Variants in CYBRD1 observed in about 807,000 individuals in gnomAD.
The protein encoded by CYBRD1 is plasma membrane ascorbate-dependent reductase CYBRD1.
A neutral mutation model predicts 21.9 loss-of-function variants in CYBRD1; 14 were observed. The ratio of observed to expected loss-of-function variants is 0.64; its 90% CI spans 0.42 to 1.00. CYBRD1 has a LOEUF of 1.00. Ranked by LOEUF, CYBRD1 falls within the 50% of genes least tolerant of loss-of-function variation. The probability of loss-of-function intolerance (pLI) is 0.00; values close to 1 mark genes in which losing one functional copy is unlikely to be tolerated. For synonymous variants in CYBRD1, 146 were observed against 136.5 expected, an observed-to-expected ratio of 1.07 and a Z score of -0.48; for missense variants, 328 against 352.5, an observed-to-expected ratio of 0.93 and a Z score of 0.56.
chr2:171,541,861 C>CCTT, intron 2 of CYBRD1, 68 bp downstream of exon 2: 1 of 739,768 alleles, frequency 1.4e-6, no homozygotes, highest in South Asian at 2.0e-5. Flanking sequence ...GTTTTCTTTT[C>CCTT]TTTTTTTTTT....
chr2:171,523,707 T>G (rs1186836367), intron 1 of CYBRD1, among the ~76,000 whole-genome samples: 1 of 131,262 alleles, frequency 7.6e-6, no homozygotes, highest in Non-Finnish European at 1.6e-5. Context: ...TCGCTGGCAA[T>G]GTTTGTTGTC....
At chr2:171,529,257 G>A (rs760155587) in intron 1 of CYBRD1, among the ~76,000 whole-genome samples, 2 of 151,980 alleles carry the variant, frequency 1.3e-5, no homozygotes, top group Non-Finnish European at 2.9e-5. Context: ...TGCTGCCAGG[G>A]GCGGTGGCTC....
At chr2:171,529,207 T>C (rs943943786) in intron 1 of CYBRD1, among the ~76,000 whole-genome samples, 2 of 152,066 alleles carry the variant, frequency 1.3e-5, no homozygotes. Flanking sequence ...CCCACCAGGG[T>C]GTCTTTCTGG....
At chr2:171,550,005 G>A (rs373725194) in intron 2 of CYBRD1, among the ~76,000 whole-genome samples, 18 of 152,304 alleles carry the variant, frequency 1.2e-4, no homozygotes, top group African/African-American at 3.8e-4. Context: ...CGTAAGAATC[G>A]TCTGGGCAGT....
chr2:171,553,154 C>A (rs771825973), intron 2 of CYBRD1, among the ~76,000 whole-genome samples, 192 bp from the exon 3 acceptor site: 1 of 152,100 alleles, frequency 6.6e-6, no homozygotes, highest in Non-Finnish European at 1.5e-5. Flanking sequence ...AATAAATTTT[C>A]TGGAATGATC....
At position 171,556,541 on chromosome 2, in the gene CYBRD1, AT is replaced by A. The variant is rs1240801746; in HGVS notation, c.*1718del. The stretch of plus-strand genomic sequence containing the variant: ...AAACTCTACACCAAATACACTAAAC[AT>A]TTTGGTGCTTAGTGGATTTCTTTTT... On this transcript the variant is annotated 3_prime_UTR_variant, in exon 4 of 4. Transcript: ENST00000321348. 6.6e-6 allele frequency: 1 copy of A among 152,162 alleles called. No homozygotes were observed. The highest frequency in any genetic ancestry group is 1.5e-5 in the Non-Finnish European group (1 of 68,026). The allele number at this position is 152,162 out of a possible 1,614,324, so 9.4% of individuals were successfully genotyped here. A position where few individuals can be genotyped will look rare whatever the true frequency, so the allele number is the denominator to read the frequency against.
intron 2 of CYBRD1, among the ~76,000 whole-genome samples, chr2:171,545,386 T>TC (rs1334426348): frequency 6.7e-6 from 1 of 148,652 alleles, no homozygotes; most frequent in Non-Finnish European, 1.5e-5. Context: ...CCTTTTTTGT[T>TC]TTTTTTTTTT....
At chr2:171,523,510 C>G (rs1697341876) in intron 1 of CYBRD1, among the ~76,000 whole-genome samples, 4 of 152,216 alleles carry the variant, frequency 2.6e-5, no homozygotes, top group Admixed American at 2.6e-4. Context: ...GCGGGGCTTC[C>G]TATTGGGCAC....
chr2:171,550,046 T>C (rs1476259428), intron 2 of CYBRD1, among the ~76,000 whole-genome samples: 1 of 152,210 alleles, frequency 6.6e-6, no homozygotes, highest in Non-Finnish European at 1.5e-5. Flanking sequence ...TGGGCCCTAA[T>C]CCAGAAATTG....
intron 2 of CYBRD1, among the ~76,000 whole-genome samples, chr2:171,551,683 C>G (rs1177175064): frequency 6.6e-6 from 1 of 152,098 alleles, no homozygotes; most frequent in Non-Finnish European, 1.5e-5. Flanking sequence ...GTTTTTTTAG[C>G]CTTCTCCAAA....
Position 171,522,975 on chromosome 2 carries a change from C to T in CYBRD1, c.193+237C>T. On this transcript the variant is annotated intron_variant, in intron 1 of 3. Transcript: ENST00000321348. The surrounding 1 kb of genome is among the most constrained non-coding windows in gnomAD (Gnocchi z 4.3). Reference sequence around the variant, plus strand: ...CGCCGCGAGCGCGGGGCCGGGGGTGCGCGGTGGAGACGCGCTGCTGGGGGC... The same window carrying T: ...CGCCGCGAGCGCGGGGCCGGGGGTGTGCGGTGGAGACGCGCTGCTGGGGGC... 2 of 562,008 alleles carry T rather than the reference C, an allele frequency of 3.6e-6. No individual in the cohort carries two copies. The highest frequency in any genetic ancestry group is 2.3e-5 in the South Asian group (1 of 43,562). The allele number at this position is 562,008 out of a possible 1,614,324, so 34.8% of individuals were successfully genotyped here. A position where few individuals can be genotyped will look rare whatever the true frequency, so the allele number is the denominator to read the frequency against.
intron 1 of CYBRD1, among the ~76,000 whole-genome samples, chr2:171,527,361 A>G (rs796993678): frequency 1.1e-4 from 17 of 152,366 alleles, no homozygotes; most frequent in African/African-American, 4.1e-4. Flanking sequence ...CTAGAATAAC[A>G]CTGAGAACTG....
intron 1 of CYBRD1, among the ~76,000 whole-genome samples, chr2:171,539,660 G>A (rs1321939682): frequency 1.3e-5 from 2 of 152,034 alleles, no homozygotes; most frequent in Admixed American, 1.3e-4. Context: ...TGTTGGTTAA[G>A]GTGGCCATAT....
intron 1 of CYBRD1, among the ~76,000 whole-genome samples, chr2:171,527,541 A>T (rs1189731564): frequency 1.3e-5 from 2 of 152,210 alleles, no homozygotes; most frequent in Non-Finnish European, 2.9e-5. Flanking sequence ...CTGTTCAGCC[A>T]GTTTAAAAGC....
At chr2:171,554,210 A>G (rs548584758) in intron 3 of CYBRD1, among the ~76,000 whole-genome samples, 14 of 152,274 alleles carry the variant, frequency 9.2e-5, no homozygotes, top group African/African-American at 3.4e-4. Flanking sequence ...AGATGTGGAA[A>G]GTTGGGGTTT....
intron 1 of CYBRD1, among the ~76,000 whole-genome samples, chr2:171,535,927 G>A (rs773231463): frequency 1.6e-4 from 25 of 151,826 alleles, no homozygotes; most frequent in African/African-American, 4.6e-4. Context: ...AGCATGAGCC[G>A]CTGTGCCTGG....
chr2:171,550,467 T>C (rs1697782484), intron 2 of CYBRD1, among the ~76,000 whole-genome samples: 1 of 152,066 alleles, frequency 6.6e-6, no homozygotes, highest in Non-Finnish European at 1.5e-5. Context: ...TAATTTTCGG[T>C]CCACTAGGTT....
chr2:171,534,713 T>G (rs1353245214), intron 1 of CYBRD1, among the ~76,000 whole-genome samples: 1 of 152,178 alleles, frequency 6.6e-6, no homozygotes, highest in Non-Finnish European at 1.5e-5. Flanking sequence ...GCGAGCCACC[T>G]ATTGAGTAGG....
rs1442959370 is a variant in CYBRD1 at position 171,557,083 on chromosome 2, G to T, written c.*2256G>T. The T allele has an allele frequency of 6.6e-6, 1 of 152,530 alleles. No homozygotes were observed. Among genetic ancestry groups the T allele is most frequent in the Non-Finnish European group, 1.5e-5 (1 of 68,014 alleles). 9.4% of individuals were successfully genotyped at this position (152,530 alleles called of 1,614,324 possible). On this transcript the variant is annotated 3_prime_UTR_variant, in exon 4 of 4. Transcript: ENST00000321348. ...TATCTTTCATGTGGGCTAATGTGAG[G>T]ATAATCTTACAGATATTATAGGAAT... is the stretch of plus-strand genomic sequence containing the variant.
Sources: allele counts gnomAD v4.1 joint callset (sites outside exome capture counted in the v4.1 genomes callset), GRCh38; gene constraint gnomAD v4.1.1; non-coding constraint Gnocchi (gnomAD v3.1); transcripts MANE v1.5; gene names NCBI Gene and HGNC (gene_info 2026-07-23, HGNC 2026-07-21).